LARGE1: variants seen among roughly 807,000 people sequenced by gnomAD.
LARGE1 encodes xylosyl- and glucuronyltransferase LARGE1.
In LARGE1, 43 loss-of-function variants were observed where a neutral mutation model predicts 87.6. The ratio of observed to expected loss-of-function variants is 0.49; its 90% confidence interval spans 0.38 to 0.63. The LOEUF (loss-of-function observed/expected upper bound fraction) is 0.63, where lower values mean the gene tolerates loss of function less well. Ranked by LOEUF, LARGE1 falls within the 30% of genes least tolerant of loss-of-function variation. LARGE1 has a pLI of 0.00. For missense variants in LARGE1, 802 were observed against 1,000.2 expected (o/e 0.80, Z 2.67); for synonymous variants, 434 against 394.6 (o/e 1.10, Z -1.18).
intron 9 of LARGE1, among the ~76,000 whole-genome samples, chr22:33,371,900 TG>T (rs1177780046): frequency 1.3e-5 from 2 of 151,456 alleles, no homozygotes; most frequent in Non-Finnish European, 2.9e-5. Flanking sequence ...AGGAGAATGT[TG>T]TGAATGTGGG....
chr22:33,159,277 CATA>C (rs1470008741), downstream of LARGE1, among the ~76,000 whole-genome samples: 1 of 152,172 alleles, frequency 6.6e-6, no homozygotes, highest in Non-Finnish European at 1.5e-5. Flanking sequence ...AAATCTAACA[CATA>C]ATATTTGTTG....
intron 2 of LARGE1, among the ~76,000 whole-genome samples, chr22:33,712,673 TG>T (rs2082770215): frequency 1.3e-5 from 2 of 151,294 alleles, no homozygotes; most frequent in Non-Finnish European, 2.9e-5. Context: ...TGTGTGTGTG[TG>T]TGTGTGTGTG....
intron 1 of LARGE1, among the ~76,000 whole-genome samples, chr22:33,895,471 T>C (rs2065115684): frequency 6.6e-6 from 1 of 152,180 alleles, no homozygotes. Context: ...CTTAGCTGTG[T>C]CTATGGTTCA....
chr22:33,622,663 G>T (rs1380218364), intron 4 of LARGE1, among the ~76,000 whole-genome samples: 2 of 152,144 alleles, frequency 1.3e-5, no homozygotes, highest in Non-Finnish European at 2.9e-5. Flanking sequence ...GCTGCCACTG[G>T]AATCTCTCCC....
At chr22:33,628,581 G>T (rs111600983) in intron 3 of LARGE1, among the ~76,000 whole-genome samples, 2,941 of 152,224 alleles carry the variant, frequency 0.019, 77 homozygotes, top group African/African-American at 0.067. Flanking sequence ...CTCCCAAAGT[G>T]CTGAGATTAC....
At chr22:33,688,707 G>C (rs2082012785) in intron 2 of LARGE1, among the ~76,000 whole-genome samples, 1 of 152,042 alleles carries the variant, frequency 6.6e-6, no homozygotes, top group South Asian at 2.1e-4. Flanking sequence ...CTCCTCCCCT[G>C]GCCGTATCAT....
intron 4 of LARGE1, among the ~76,000 whole-genome samples, chr22:33,611,506 A>C (rs566961421): frequency 9.2e-5 from 14 of 152,214 alleles, no homozygotes; most frequent in Non-Finnish European, 1.9e-4. Flanking sequence ...TTTGGGAATA[A>C]GAGTGTTGAC....
intron 1 of LARGE1, among the ~76,000 whole-genome samples, chr22:33,787,293 A>C (rs1228009914): frequency 6.6e-6 from 1 of 152,144 alleles, no homozygotes; most frequent in Non-Finnish European, 1.5e-5. Context: ...TGGTGACCTT[A>C]TTCTCAGTGG....
chr22:33,120,011 G>T, the LARGE1 span, among the ~76,000 whole-genome samples: 43 of 134,478 alleles, frequency 3.2e-4, no homozygotes, highest in African/African-American at 1.0e-3. Flanking sequence ...GGATACCTTG[G>T]CTGTTAATAG....
chr22:33,651,389 C>CAAAAA (rs59002897), intron 2 of LARGE1, among the ~76,000 whole-genome samples: 3 of 54,314 alleles, frequency 5.5e-5, no homozygotes, highest in African/African-American at 2.4e-4. Flanking sequence ...GACTCCGTCT[C>CAAAAA]AAAAAAAAAA....
chr22:33,690,485 C>A (rs2082068386), intron 2 of LARGE1, among the ~76,000 whole-genome samples: 1 of 152,084 alleles, frequency 6.6e-6, no homozygotes, highest in African/African-American at 2.4e-5. Context: ...GAAGCCTGAC[C>A]TGAGTTACTC....
At chr22:33,432,614 T>C (rs2067120924) in intron 6 of LARGE1, among the ~76,000 whole-genome samples, 1 of 152,094 alleles carries the variant, frequency 6.6e-6, no homozygotes, top group Non-Finnish European at 1.5e-5. Flanking sequence ...CATGCATGCA[T>C]TTCTTTCCTA....
chr22:33,396,991 G>A lies in LARGE1; in HGVS notation c.893-12687C>T, dbSNP rs547477489. 7.6e-4 allele frequency among the ~76,000 whole-genome samples: 116 copies of A among 152,262 alleles called. 1 individual carries two copies. Among genetic ancestry groups the A allele is most frequent in the African/African-American group, 2.7e-3 (113 of 41,562 alleles). ...TCAGAAAAGTGCATAGATCATAACT[G>A]TACAGCTTGATGAATTTTCATGAAT... On this transcript the variant is annotated intron_variant, in intron 7 of 14. Transcript: ENST00000397394.
chr22:33,749,590 T>A (rs923424828), intron 2 of LARGE1, among the ~76,000 whole-genome samples: 1 of 152,074 alleles, frequency 6.6e-6, no homozygotes, highest in Non-Finnish European at 1.5e-5. Flanking sequence ...TCTGTAATTT[T>A]CAAAAGTTTT....
chr22:33,760,582 T>A (rs750210151), intron 2 of LARGE1, among the ~76,000 whole-genome samples: 2 of 152,180 alleles, frequency 1.3e-5, no homozygotes, highest in Non-Finnish European at 2.9e-5. Context: ...TCCAGATCTG[T>A]TATCTCCATA....
At chr22:33,277,352 G>T in intron 13 of LARGE1, 97 bp from the exon 14 acceptor site, 1 of 1,161,742 alleles carries the variant, frequency 8.6e-7, no homozygotes, top group Non-Finnish European at 1.3e-6. Flanking sequence ...CACTGATGTA[G>T]TCCTCGGGTG....
chr22:33,545,523 C>A (rs925084293), intron 6 of LARGE1, among the ~76,000 whole-genome samples: 6 of 151,998 alleles, frequency 3.9e-5, no homozygotes, highest in Non-Finnish European at 7.4e-5. Context: ...CTCACTGCAA[C>A]CTCCACCTCC....
rs538790750 is a variant in LARGE1 at position 33,526,624 on chromosome 22, C to G, written c.787+38224G>C. Among the ~76,000 whole-genome samples, 213 of 152,352 alleles carry G rather than the reference C, an allele frequency of 1.4e-3. 1 individual carries two copies. Among genetic ancestry groups the G allele is most frequent in the Non-Finnish European group, 2.5e-3 (168 of 68,048 alleles). On this transcript the variant is annotated intron_variant, in intron 6 of 14. Coordinates refer to ENST00000397394, the MANE Select transcript of LARGE1 (RefSeq NM_133642.5). ...GGCTCAGCAGAGAGCCTACGCTGGA[C>G]AGGCGCTGGGAAGAGTTCAGAGAGA...
At chr22:33,187,959 A>AT in intron 11 of LARGE1, among the ~76,000 whole-genome samples, 1 of 116,168 alleles carries the variant, frequency 8.6e-6, no homozygotes, top group Non-Finnish European at 1.9e-5. Flanking sequence ...AAAAAAAAAA[A>AT]ATCACTAAGA....
Sources: allele counts gnomAD v4.1 joint callset (sites outside exome capture counted in the v4.1 genomes callset), GRCh38; gene constraint gnomAD v4.1.1; transcripts MANE v1.5; gene names NCBI Gene and HGNC (gene_info 2026-07-23, HGNC 2026-07-21).